Variants in ARID2 observed in about 807,000 individuals in gnomAD.
The protein encoded by ARID2 is AT-rich interactive domain-containing protein 2.
ARID2 carries 32 observed loss-of-function variants against 184.6 expected under a neutral mutation model. That is an observed-to-expected ratio of 0.17 (90% confidence interval 0.13 to 0.23). The LOEUF is 0.23. Ranked by LOEUF, ARID2 falls within the 10% of genes least tolerant of loss-of-function variation. ARID2 has a pLI of 1.00. For synonymous variants in ARID2, 836 were observed against 772.6 expected (o/e 1.08, Z -1.36); for missense variants, 1,696 against 2,197.6 (o/e 0.77, Z 4.56).
intron 4 of ARID2, among the ~76,000 whole-genome samples, chr12:45,814,823 T>C (rs1942776679): frequency 6.6e-6 from 1 of 152,224 alleles, no homozygotes; most frequent in South Asian, 2.1e-4. Flanking sequence ...TATAATAAAT[T>C]GGTGCTTTCA....
Position 45,894,650 on chromosome 12 carries a change from T to C in ARID2, c.5363+929T>C, listed in dbSNP as rs146676121. Among the ~76,000 whole-genome samples the C allele has an allele frequency of 3.6e-3, 553 of 152,294 alleles. 1 individual carries two copies. The highest frequency in any genetic ancestry group is 6.1e-3 in the Non-Finnish European group (413 of 68,018). ...ATTTAAAGCTAAAGTTGAAAAGTAT[T>C]TGCAATGACAAATGTTACTATATTT... On this transcript the variant is annotated intron_variant, in intron 20 of 20. Transcript: ENST00000334344.
intron 3 of ARID2, among the ~76,000 whole-genome samples, chr12:45,768,662 A>G (rs549997878): frequency 1.3e-5 from 2 of 152,288 alleles, no homozygotes; most frequent in South Asian, 4.1e-4. Context: ...AGTGGAGATA[A>G]ATAAACTGTA....
rs1240285172 is a variant in ARID2, at chr12:45,907,650, C to T, written c.*2572C>T. On this transcript the variant is annotated 3_prime_UTR_variant, in exon 21 of 21. Transcript: ENST00000334344. The stretch of plus-strand genomic sequence containing the variant: ...TTTGCACAATAAGTTCTGCAAAACC[C>T]TCTCATTCATGAAAAGGTGCTCCTT... 2 of 233,060 alleles carry T rather than the reference C, an allele frequency of 8.6e-6. No homozygotes were observed. Among genetic ancestry groups the T allele is most frequent in the African/African-American group, 2.2e-5 (1 of 45,318 alleles). 14.4% of individuals were successfully genotyped at this position (233,060 alleles called of 1,614,324 possible).
intron 6 of ARID2, among the ~76,000 whole-genome samples, chr12:45,828,225 T>C (rs1406432579): frequency 2.6e-5 from 4 of 152,086 alleles, no homozygotes; most frequent in Non-Finnish European, 4.4e-5. Flanking sequence ...TTCTTCCTTA[T>C]TCTACTTCTC....
At chr12:45,870,296 G>T (rs1943903970) in intron 16 of ARID2, among the ~76,000 whole-genome samples, 1 of 152,040 alleles carries the variant, frequency 6.6e-6, no homozygotes, top group Non-Finnish European at 1.5e-5. Flanking sequence ...CCAAAACCAC[G>T]TTTTTTTAGA....
At chr12:45,765,232 A>G (rs373501860) in intron 3 of ARID2, among the ~76,000 whole-genome samples, 122 of 151,918 alleles carry the variant, frequency 8.0e-4, no homozygotes, top group African/African-American at 2.8e-3. Flanking sequence ...TTTTGAGACA[A>G]GGTCTCTCTC....
chr12:45,853,764 T>G (rs1459051147), intron 15 of ARID2, among the ~76,000 whole-genome samples: 1 of 152,216 alleles, frequency 6.6e-6, no homozygotes, highest in Admixed American at 6.6e-5. Flanking sequence ...AGTTCTGGCT[T>G]GGGCTTCTGT....
rs144928351 is a variant in ARID2, at chr12:45,849,672, C to G, written c.1808C>G (p.Ala603Gly). 3 of 1,613,866 alleles carry G rather than the reference C, an allele frequency of 1.9e-6. No individual in the cohort carries two copies. In the Admixed American group the frequency reaches 5.0e-5, roughly 27 times the overall value. ...CATGTGGTAGGAGTAAAACGGAGGG[C>G]TATACCACTTCCCATTCAGATGTAC... ...HIHVVGVKRR[A>G]IPLPIQMYYQ... The change falls in exon 14 of 21, where the codon GCT becomes GGT. Residue 603 changes from alanine to glycine, a missense_variant. By Grantham distance (60) the Ala-to-Gly change is moderately conservative. Around this residue, in one of 11 missense-constraint regions of ARID2, gnomAD observed 713 missense variants for 824.4 expected, o/e 0.86. Coordinates refer to ENST00000334344, the MANE Select transcript of ARID2 (RefSeq NM_152641.4).
intron 16 of ARID2, among the ~76,000 whole-genome samples, chr12:45,861,970 A>G (rs1943757191): frequency 1.3e-5 from 2 of 152,244 alleles, no homozygotes; most frequent in African/African-American, 4.8e-5. Context: ...CATATCTTTT[A>G]CAAGCTATCT....
chr12:45,814,621 C>T (rs1256656323), intron 4 of ARID2, among the ~76,000 whole-genome samples: 2 of 152,086 alleles, frequency 1.3e-5, no homozygotes, highest in Non-Finnish European at 2.9e-5. Flanking sequence ...ACTCCAGTAG[C>T]CTAGGCGACA....
chr12:45,828,764 C>T (rs374734417), intron 6 of ARID2, among the ~76,000 whole-genome samples: 1 of 151,718 alleles, frequency 6.6e-6, no homozygotes, highest in Non-Finnish European at 1.5e-5. Context: ...TTAGGCAGTG[C>T]CTATATTTTG....
chr12:45,847,044 T>C (rs1321795263), intron 12 of ARID2, 107 bp downstream of exon 12: 3 of 945,406 alleles, frequency 3.2e-6, no homozygotes, highest in Admixed American at 2.4e-5. Flanking sequence ...TGTATTCCTT[T>C]TTAGTTAGAG....
At chr12:45,870,575 A>G (rs1180613224) in intron 16 of ARID2, among the ~76,000 whole-genome samples, 1 of 152,204 alleles carries the variant, frequency 6.6e-6, no homozygotes, top group East Asian at 1.9e-4. Context: ...TCACTACACT[A>G]AAAATCCATT....
chr12:45,857,514 G>A (rs988067107), intron 15 of ARID2, among the ~76,000 whole-genome samples: 1 of 152,050 alleles, frequency 6.6e-6, no homozygotes, highest in African/African-American at 2.4e-5. Flanking sequence ...AGTAGTGTTG[G>A]CATGTATTGA....
Position 45,794,220 on chromosome 12 carries a change from A to G in ARID2, c.285-17198A>G, listed in dbSNP as rs564623316. Among the ~76,000 whole-genome samples, 6 of 152,268 alleles carry G rather than the reference A, an allele frequency of 3.9e-5. No individual in the cohort carries two copies. In the East Asian group the frequency reaches 9.6e-4, roughly 24 times the overall value. Reference sequence around the variant, plus strand: ...AGCACTTACCACACACTGTGGACATAATGTTTGCAGTTTGAGGTGCAACAG... The same window carrying G: ...AGCACTTACCACACACTGTGGACATGATGTTTGCAGTTTGAGGTGCAACAG... On this transcript the variant is annotated intron_variant, in intron 3 of 20. Transcript: ENST00000334344.
rs964774988 is a variant in ARID2, at chr12:45,767,920, CT to C, written c.284+36609del. ...GCACTTTCAACAGGACAGCATGAGT[CT>C]TTCTGTAGACCCACTTTCCGGTGAA... On this transcript the variant is annotated intron_variant, in intron 3 of 20. Transcript: ENST00000334344. 1.2e-3 allele frequency among the ~76,000 whole-genome samples: 177 copies of C among 152,316 alleles called. 1 individual carries two copies. Among genetic ancestry groups the C allele is most frequent in the Non-Finnish European group, 7.5e-4 (51 of 68,028 alleles).
intron 6 of ARID2, among the ~76,000 whole-genome samples, chr12:45,824,759 G>A (rs531668225): frequency 7.9e-5 from 12 of 151,738 alleles, no homozygotes; most frequent in African/African-American, 2.7e-4. Context: ...GTATATCAAA[G>A]GAATACCTGT....
chr12:45,877,918 G>A (rs148206105), intron 16 of ARID2, among the ~76,000 whole-genome samples: 2 of 152,152 alleles, frequency 1.3e-5, no homozygotes, highest in African/African-American at 4.8e-5. Flanking sequence ...AAGTCTCCTG[G>A]TGCATATGGC....
chr12:45,749,536 C>G (rs1302877352), intron 3 of ARID2, among the ~76,000 whole-genome samples: 1 of 152,220 alleles, frequency 6.6e-6, no homozygotes, highest in Non-Finnish European at 1.5e-5. Flanking sequence ...CAGCTTTTCC[C>G]TTGAAGCTTT....
Sources: gnomAD v4.1 joint callset for allele counts (sites outside exome capture counted in the v4.1 genomes callset) on GRCh38, gnomAD v4.1.1 for gene constraint, gnomAD v4.1.1 regional missense constraint, MANE v1.5 for transcripts, NCBI Gene and HGNC (gene_info 2026-07-23, HGNC 2026-07-21) for gene names.